Variants in EPG5 observed in about 807,000 individuals in gnomAD.
EPG5 encodes ectopic P granules protein 5 homolog.
In EPG5, 159 loss-of-function variants were observed where a neutral mutation model predicts 302.7. The observed-to-expected ratio is 0.53, with a 90% CI of 0.46 to 0.60. The LOEUF is 0.60. EPG5 is among the 20% of genes least tolerant of loss of function. The probability of loss-of-function intolerance (pLI) is 0.00; values close to 1 mark genes in which losing one functional copy is unlikely to be tolerated. For missense variants in EPG5, 2,896 were observed against 3,092.4 expected (o/e 0.94, Z 1.51); for synonymous variants, 1,158 against 1,136.8 (o/e 1.02, Z -0.37).
Position 45,939,737 on chromosome 18 carries a change from T to G in EPG5, c.1962A>C (p.Val654=), listed in dbSNP as rs780414826. Residue 654 remains valine, a synonymous_variant, in exon 10 of 44, where the codon GTA becomes GTC. Coordinates refer to ENST00000282041, the MANE Select transcript of EPG5 (RefSeq NM_020964.3). ...TCACATACTGTGCCCAATGGTCACT[T>G]ACATAACCAAGAGTCATCCTGAGCA... The part of the protein sequence containing the change: ...GYMIRMTLGY[V]SDHWAQYVSH... The G allele has an allele frequency of 1.9e-6, 3 of 1,613,722 alleles. No homozygotes were observed. The highest frequency in any genetic ancestry group is 2.7e-5 in the African/African-American group (2 of 74,916).
At chr18:45,956,669 G>A (rs985981711) in intron 1 of EPG5, among the ~76,000 whole-genome samples, 3 of 151,750 alleles carry the variant, frequency 2.0e-5, no homozygotes, top group Non-Finnish European at 2.9e-5. Flanking sequence ...TCCTGACCTC[G>A]TGATCCGTCC....
downstream of EPG5, among the ~76,000 whole-genome samples, chr18:45,845,827 A>C (rs1361934004): frequency 6.6e-6 from 1 of 152,202 alleles, no homozygotes; most frequent in Non-Finnish European, 1.5e-5. Context: ...AGTGGCCGGC[A>C]ACTACCTGGG....
Position 45,904,079 on chromosome 18 carries a change from A to G in EPG5, c.4368T>C (p.Tyr1456=). 4.3e-6 allele frequency: 7 copies of G among 1,612,856 alleles called. No individual in the cohort carries two copies. The highest frequency in any genetic ancestry group is 5.9e-6 in the Non-Finnish European group (7 of 1,179,824). ...GACCAACAGTCTCCTGAAACTCATGATAGATGCGCTCCATGTTCAAATACT... is the reference window on the plus strand; with the variant it reads ...GACCAACAGTCTCCTGAAACTCATGGTAGATGCGCTCCATGTTCAAATACT... ...WMEYLNMERI[Y]HEFQETVGLW... is the part of the protein sequence containing the mutation. Residue 1456 remains tyrosine, a synonymous_variant, in exon 25 of 44, where the codon TAT becomes TAC. Coordinates refer to ENST00000282041, the MANE Select transcript of EPG5 (RefSeq NM_020964.3).
intron 5 of EPG5, among the ~76,000 whole-genome samples, chr18:45,948,822 A>G (rs1283996100): frequency 6.6e-6 from 1 of 152,190 alleles, no homozygotes; most frequent in Non-Finnish European, 1.5e-5. Context: ...GAAGGACACT[A>G]CTGCTACTTT....
In EPG5 at chr18:45,913,809, A is replaced by G. The variant is rs867091699; in HGVS notation, c.3713T>C (p.Val1238Ala). 1.2e-6 allele frequency: 2 copies of G among 1,614,098 alleles called. No individual in the cohort carries two copies. The highest frequency in any genetic ancestry group is 8.5e-7 in the Non-Finnish European group (1 of 1,179,984). The change falls in exon 21 of 44, where the codon GTG (valine) becomes GCG (alanine). Residue 1238 changes from valine to alanine, a missense_variant. Coordinates refer to ENST00000282041, the MANE Select transcript of EPG5 (RefSeq NM_020964.3). ...TTCAAAGATGGATTCCATGTTGAGC[A>G]CTGTCCAGGCAAACCAGACCTATAA... ...TPTQVWFAWTVLNMESIFEED... is the reference protein window; with the variant it reads ...TPTQVWFAWTALNMESIFEED...
chr18:45,813,092 A>G, the EPG5 span, among the ~76,000 whole-genome samples: 1 of 152,244 alleles, frequency 6.6e-6, no homozygotes, highest in South Asian at 2.1e-4. Context: ...AACCCCATCA[A>G]AAAGTGAGCA....
chr18:45,846,432 A>C (rs2048364225), downstream of EPG5, among the ~76,000 whole-genome samples: 1 of 151,324 alleles, frequency 6.6e-6, no homozygotes, highest in Non-Finnish European at 1.5e-5. Flanking sequence ...GAGGCACAAA[A>C]ATTGCTTGAA....
At chr18:45,892,368 G>C (rs1424063201) in intron 27 of EPG5, among the ~76,000 whole-genome samples, 2 of 152,170 alleles carry the variant, frequency 1.3e-5, no homozygotes, top group African/African-American at 4.8e-5. Context: ...ATAGAACAAA[G>C]TAGCATGGTG....
At position 45,930,794 on chromosome 18, in the gene EPG5, G is replaced by T; in HGVS notation, c.2294C>A (p.Ser765Tyr). The change falls in exon 12 of 44, where the codon TCT becomes TAT. Residue 765 changes from serine to tyrosine, a missense_variant. Around this residue, in one of 5 missense-constraint regions of EPG5, gnomAD observed 1,390 missense variants for 1,430.0 expected, o/e 0.97. Coordinates refer to ENST00000282041, the MANE Select transcript of EPG5 (RefSeq NM_020964.3). ...EHFTNFEKCL[S>Y]SMNSSEEICL... ...AATCTCTTCTGAGCTATTCATAGAA[G>T]AAAGACACTTCTCAAAGTTGGTAAA... The T allele has an allele frequency of 1.2e-6, 2 of 1,603,812 alleles. No homozygotes were observed. The highest frequency in any genetic ancestry group is 1.7e-6 in the Non-Finnish European group (2 of 1,177,170).
chr18:45,812,660 C>A, the EPG5 span, among the ~76,000 whole-genome samples: 1 of 152,146 alleles, frequency 6.6e-6, no homozygotes, highest in Admixed American at 6.5e-5. Context: ...CAAAAACAAG[C>A]AATGGGGAAA....
intron 39 of EPG5, 35 bp from the exon 40 acceptor site, chr18:45,860,381 C>T: frequency 6.2e-7 from 1 of 1,613,572 alleles, no homozygotes; most frequent in Non-Finnish European, 8.5e-7. Context: ...AGAATGGCTG[C>T]CAGAAAGGTA....
the EPG5 span, among the ~76,000 whole-genome samples, chr18:45,835,038 G>A: frequency 2.0e-5 from 3 of 152,024 alleles, no homozygotes; most frequent in African/African-American, 7.3e-5. Flanking sequence ...AAAATGTTAG[G>A]TCCTCCACTC....
the EPG5 span, among the ~76,000 whole-genome samples, chr18:45,807,336 T>C: frequency 3.3e-5 from 5 of 152,180 alleles, no homozygotes; most frequent in South Asian, 2.1e-4. Context: ...TTGGGAGTTC[T>C]AGGGCCCTGC....
rs770493500 is a variant in EPG5, at chr18:45,910,635, T to C, written c.4091A>G (p.His1364Arg). Residue 1364 changes from histidine to arginine, a missense_variant, in exon 23 of 44, where the codon CAT becomes CGT. Transcript: ENST00000282041. ...AACACGGAGGGCCTTGCTTGCAGCA[T>C]GGTGGAAGTCAGCCACCTCGGTCAA... ...RRLTEVADFH[H>R]AASKALRVPA... 3 of 1,614,168 alleles carry C rather than the reference T, an allele frequency of 1.9e-6. No individual in the cohort carries two copies. Among genetic ancestry groups the C allele is most frequent in the Non-Finnish European group, 2.5e-6 (3 of 1,180,020 alleles).
chr18:45,890,827 G>T (rs902943890), intron 27 of EPG5, among the ~76,000 whole-genome samples: 1 of 152,188 alleles, frequency 6.6e-6, no homozygotes, highest in Non-Finnish European at 1.5e-5. Context: ...ATGGGACAGA[G>T]ATACAGGAAG....
intron 34 of EPG5, among the ~76,000 whole-genome samples, chr18:45,876,799 TGA>T (rs1180748410): frequency 6.6e-6 from 1 of 151,880 alleles, no homozygotes; most frequent in South Asian, 2.1e-4. Flanking sequence ...TTTTTTTTTT[TGA>T]GAGAGAGAGT....
intron 7 of EPG5, among the ~76,000 whole-genome samples, chr18:45,946,124 A>G (rs1056875645): frequency 6.6e-6 from 1 of 152,246 alleles, no homozygotes; most frequent in Non-Finnish European, 1.5e-5. Flanking sequence ...AACAAGGGTG[A>G]TCTCGAGAAG....
At chr18:45,870,820 A>C in intron 35 of EPG5, 78 bp from the exon 36 acceptor site, 1 of 1,264,652 alleles carries the variant, frequency 7.9e-7, no homozygotes, top group Non-Finnish European at 1.1e-6. Flanking sequence ...ATTTGAACTA[A>C]AAGTCTAAAA....
At chr18:45,937,320 TTA>T (rs61109408) in intron 10 of EPG5, among the ~76,000 whole-genome samples, 27 of 140,314 alleles carry the variant, frequency 1.9e-4, no homozygotes, top group Middle Eastern at 3.7e-3. Context: ...ATATAGGTAT[TTA>T]TATATATATA....
Sources: allele counts gnomAD v4.1 joint callset (sites outside exome capture counted in the v4.1 genomes callset), GRCh38; gene constraint gnomAD v4.1.1; regional missense constraint gnomAD v4.1.1; transcripts MANE v1.5; gene names NCBI Gene and HGNC (gene_info 2026-07-23, HGNC 2026-07-21).